Variants in GTF2F2 observed in about 807,000 individuals in gnomAD.
GTF2F2 encodes the protein general transcription factor IIF subunit 2.
In GTF2F2, 23 loss-of-function variants were observed where a neutral mutation model predicts 42.2. The observed-to-expected ratio is 0.55, with a 90% CI of 0.39 to 0.77. The LOEUF is 0.77. Ranked by LOEUF, GTF2F2 falls within the 30% of genes least tolerant of loss-of-function variation. The pLI, the probability that GTF2F2 is intolerant of heterozygous loss-of-function variation, is 0.00. For synonymous variants in GTF2F2, 105 were observed against 100.8 expected, an observed-to-expected ratio of 1.04 and a Z score of -0.25; for missense variants, 261 against 287.2, an observed-to-expected ratio of 0.91 and a Z score of 0.66.
rs560365666 is a variant in GTF2F2, at chr13:45,122,284, T to A, written c.66+1563T>A. 5.0e-3 allele frequency among the ~76,000 whole-genome samples: 754 copies of A among 152,208 alleles called. 8 individuals are homozygous for A. The highest frequency in any genetic ancestry group is 0.017 in the African/African-American group (697 of 41,534). The stretch of plus-strand genomic sequence containing the variant: ...ATTTATTCAGGAAAAAAAAAAATGT[T>A]TGGCAGTGTGCAGTACGAATTAGAG... On this transcript the variant is annotated intron_variant, in intron 1 of 7. Transcript: ENST00000340473.
At chr13:45,197,509 CAAAA>C (rs1195927657) in intron 4 of GTF2F2, among the ~76,000 whole-genome samples, 1 of 91,488 alleles carries the variant, frequency 1.1e-5, no homozygotes, top group Non-Finnish European at 2.2e-5. Context: ...ACCCTGTCTC[CAAAA>C]AAAAAAAAAA....
At chr13:45,188,925 T>G (rs1397068776) in intron 4 of GTF2F2, among the ~76,000 whole-genome samples, 1 of 152,146 alleles carries the variant, frequency 6.6e-6, no homozygotes, top group African/African-American at 2.4e-5. Flanking sequence ...TTTTTTTAAT[T>G]TAAGTTCTAG....
chr13:45,136,288 A>G (rs996123284), intron 1 of GTF2F2, among the ~76,000 whole-genome samples: 3 of 152,240 alleles, frequency 2.0e-5, no homozygotes, highest in African/African-American at 7.2e-5. Flanking sequence ...ATCCTTTTAT[A>G]TTAGCAGCCT....
chr13:45,240,101 ATTTTTTTTTT>A (rs34744288), intron 5 of GTF2F2, among the ~76,000 whole-genome samples: 3 of 91,104 alleles, frequency 3.3e-5, no homozygotes, highest in African/African-American at 1.6e-4. Flanking sequence ...ATGTAGAGGG[ATTTTTTTTTT>A]TTTTTTTTTT....
At chr13:45,141,143 TA>T (rs1342207437) in intron 2 of GTF2F2, among the ~76,000 whole-genome samples, 5 of 152,120 alleles carry the variant, frequency 3.3e-5, no homozygotes, top group African/African-American at 1.2e-4. Flanking sequence ...GGTTCAGAAA[TA>T]TAGTATCTCT....
At chr13:45,257,039 T>G (rs1339833218) in intron 6 of GTF2F2, among the ~76,000 whole-genome samples, 1 of 152,130 alleles carries the variant, frequency 6.6e-6, no homozygotes. Flanking sequence ...TTACCCACAG[T>G]TTTTTCACCC....
rs78532450 is a variant in GTF2F2 at position 45,229,304 on chromosome 13, C to T, written c.386+21799C>T. Among the ~76,000 whole-genome samples, 783 of 152,046 alleles carry T rather than the reference C, an allele frequency of 5.1e-3. 4 individuals carry two copies. Among genetic ancestry groups the T allele is most frequent in the East Asian group, 0.025 (130 of 5,138 alleles). On this transcript the variant is annotated intron_variant, in intron 5 of 7. Coordinates refer to ENST00000340473, the MANE Select transcript of GTF2F2 (RefSeq NM_004128.3). Reference sequence around the variant, plus strand: ...CCCTTTTTTTTGCCCCTTACTTCCCCCCACCTCCCACCACCGCCTTCTTTG... The same window carrying T: ...CCCTTTTTTTTGCCCCTTACTTCCCTCCACCTCCCACCACCGCCTTCTTTG...
chr13:45,148,149 G>A (rs1473273474), intron 2 of GTF2F2, among the ~76,000 whole-genome samples: 1 of 152,120 alleles, frequency 6.6e-6, no homozygotes, highest in Non-Finnish European at 1.5e-5. Flanking sequence ...AAGGCAGGTT[G>A]GAACCAAACT....
intron 4 of GTF2F2, among the ~76,000 whole-genome samples, chr13:45,171,141 G>A (rs566355477): frequency 1.4e-4 from 18 of 130,118 alleles, no homozygotes; most frequent in Admixed American, 1.8e-4. Context: ...GCAGTAATTC[G>A]ATCTTGGCTC....
intron 2 of GTF2F2, among the ~76,000 whole-genome samples, chr13:45,143,203 A>G (rs1177280752): frequency 6.6e-6 from 1 of 152,184 alleles, no homozygotes; most frequent in Non-Finnish European, 1.5e-5. Flanking sequence ...AGAATCAACT[A>G]CTGATTCCTA....
intron 4 of GTF2F2, among the ~76,000 whole-genome samples, chr13:45,157,024 T>C: frequency 6.6e-6 from 1 of 152,148 alleles, no homozygotes; most frequent in Middle Eastern, 3.2e-3. Context: ...TTGATAAATT[T>C]TCTGGGAATA....
intron 4 of GTF2F2, among the ~76,000 whole-genome samples, chr13:45,196,246 A>G (rs568418037): frequency 6.6e-6 from 1 of 152,206 alleles, no homozygotes; most frequent in Non-Finnish European, 1.5e-5. Flanking sequence ...GTGAAATTCA[A>G]CTTCCTCATT....
At chr13:45,221,701 ATCT>A (rs915818848) in intron 5 of GTF2F2, among the ~76,000 whole-genome samples, 2 of 152,056 alleles carry the variant, frequency 1.3e-5, no homozygotes, top group Admixed American at 1.3e-4. Context: ...ATTAGTGTAG[ATCT>A]AGTCATACCA....
chr13:45,171,508 T>C (rs969683907), intron 4 of GTF2F2, among the ~76,000 whole-genome samples: 13 of 152,236 alleles, frequency 8.5e-5, no homozygotes, highest in African/African-American at 2.2e-4. Context: ...TGAAACACTT[T>C]AGAGTTTTCT....
intron 2 of GTF2F2, among the ~76,000 whole-genome samples, chr13:45,145,401 G>A (rs912235086): frequency 2.6e-5 from 4 of 152,126 alleles, no homozygotes; most frequent in African/African-American, 9.7e-5. Flanking sequence ...GTTGGCCATG[G>A]TTCCTTTTAG....
intron 1 of GTF2F2, among the ~76,000 whole-genome samples, chr13:45,135,710 G>C (rs1239082896): frequency 6.6e-6 from 1 of 152,140 alleles, no homozygotes; most frequent in Non-Finnish European, 1.5e-5. Flanking sequence ...TGCACATGAA[G>C]TACTGCTAGG....
At position 45,157,960 on chromosome 13, in the gene GTF2F2, A is replaced by G. The variant is rs540979596; in HGVS notation, c.304+6129A>G. Among the ~76,000 whole-genome samples the G allele has an allele frequency of 1.4e-4, 21 of 152,202 alleles. 1 individual carries two copies. The highest frequency in any genetic ancestry group is 4.6e-4 in the African/African-American group (19 of 41,520). ...TTATCCATTTCCTTTTTCTCTATAT[A>G]TCCATGTTTCTGCCAGTGATACATT... On this transcript the variant is annotated intron_variant, in intron 4 of 7. Coordinates refer to ENST00000340473, the MANE Select transcript of GTF2F2 (RefSeq NM_004128.3).
chr13:45,147,065 G>A (rs80124159), intron 2 of GTF2F2, among the ~76,000 whole-genome samples: 4,364 of 152,214 alleles, frequency 0.029, 190 homozygotes, highest in African/African-American at 0.093. Flanking sequence ...CAATTAAGAT[G>A]CTGTTATAAT....
At chr13:45,154,088 C>G (rs1870637183) in intron 4 of GTF2F2, among the ~76,000 whole-genome samples, 1 of 150,434 alleles carries the variant, frequency 6.6e-6, no homozygotes, top group Admixed American at 6.6e-5. Context: ...GTTTTCTCTA[C>G]TTTTGTGATT....
Sources: gnomAD v4.1 joint callset for allele counts (sites outside exome capture counted in the v4.1 genomes callset) on GRCh38, gnomAD v4.1.1 for gene constraint, MANE v1.5 for transcripts, NCBI Gene and HGNC (gene_info 2026-07-23, HGNC 2026-07-21) for gene names.